Variants in RYR3 observed in about 807,000 individuals in gnomAD.
The protein encoded by RYR3 is brain ryanodine receptor-calcium release channel.
A neutral mutation model predicts 584.3 loss-of-function variants in RYR3; 207 were observed. That is an observed-to-expected ratio of 0.35 (90% CI 0.32 to 0.40). RYR3 has a LOEUF of 0.40. Among genes scored for constraint, RYR3 ranks in the 10% least tolerant of loss-of-function variants. The pLI is 1.00. For missense variants in RYR3, 5,616 were observed against 6,089.2 expected, an observed-to-expected ratio of 0.92 and a Z score of 2.59; for synonymous variants, 2,416 against 2,248.5, an observed-to-expected ratio of 1.07 and a Z score of -2.11.
At position 33,662,240 on chromosome 15, in the gene RYR3, C is replaced by T; in HGVS notation, c.4710C>T (p.Ala1570=). ...TGAGGCTCTACAGCGCGGTGTGCGC[C>T]CTGGGAAACAGCCGCGTGGCCTACG... ...HTLRLYSAVC[A]LGNSRVAYAL... is the part of the protein sequence containing the mutation. The change falls in exon 35 of 104, where the codon GCC becomes GCT. Residue 1570 remains alanine (A), a synonymous_variant. Coordinates refer to ENST00000634891, the MANE Select transcript of RYR3 (RefSeq NM_001036.6). 6.2e-7 allele frequency: 1 copy of T among 1,609,530 alleles called. No individual in the cohort carries two copies. Among genetic ancestry groups the T allele is most frequent in the Non-Finnish European group, 8.5e-7 (1 of 1,178,194 alleles).
chr15:33,558,931 G>A (rs374719962), intron 10 of RYR3, among the ~76,000 whole-genome samples: 147 of 152,194 alleles, frequency 9.7e-4, no homozygotes, highest in Middle Eastern at 3.4e-3. Flanking sequence ...AAGCCTTTTC[G>A]TGGTTTCCAT....
chr15:33,696,160 C>A, intron 38 of RYR3, 58 bp from the exon 39 acceptor site: 3 of 1,533,890 alleles, frequency 2.0e-6, no homozygotes, highest in Non-Finnish European at 2.7e-6. Context: ...GGCTGAAACA[C>A]CCAGCTCTCC....
At position 33,495,906 on chromosome 15, in the gene RYR3, T is replaced by C. The variant is rs1326359981; in HGVS notation, c.172-7725T>C. On this transcript the variant is annotated intron_variant, in intron 2 of 103. Transcript: ENST00000634891. ...AATGCAAATAATTATGTGTTATCGATAATTGATTGGAAGTCTGTAAGTGAG... is the reference window on the plus strand; with the variant it reads ...AATGCAAATAATTATGTGTTATCGACAATTGATTGGAAGTCTGTAAGTGAG... Among the ~76,000 whole-genome samples the C allele has an allele frequency of 5.9e-5, 9 of 152,324 alleles. No homozygotes were observed. In the East Asian group the frequency reaches 1.7e-3, roughly 29 times the overall value.
intron 103 of RYR3, 192 bp from the exon 104 acceptor site, chr15:33,864,939 G>GTGTC (rs1889959089): frequency 9.6e-6 from 5 of 522,184 alleles, no homozygotes; most frequent in Non-Finnish European, 1.4e-5. Flanking sequence ...CTGCCAGCAT[G>GTGTC]TGTCAGAGAG....
At chr15:33,714,272 A>G (rs1480244762) in intron 43 of RYR3, among the ~76,000 whole-genome samples, 1 of 152,214 alleles carries the variant, frequency 6.6e-6, no homozygotes, top group Non-Finnish European at 1.5e-5. Context: ...ATTTTAAGCC[A>G]TATCAAAAGC....
chr15:33,491,453 CA>C (rs1341128754), intron 2 of RYR3, among the ~76,000 whole-genome samples: 1 of 152,228 alleles, frequency 6.6e-6, no homozygotes, highest in East Asian at 1.9e-4. Context: ...TGGGGTCTGA[CA>C]GACCTTGCTT....
chr15:33,743,712 C>G (rs912967860), intron 52 of RYR3, among the ~76,000 whole-genome samples: 1 of 152,220 alleles, frequency 6.6e-6, no homozygotes, highest in Non-Finnish European at 1.5e-5. Flanking sequence ...ATATTTGTCT[C>G]TGTTCTTATG....
intron 42 of RYR3, among the ~76,000 whole-genome samples, chr15:33,704,292 A>AAG (rs1008724314): frequency 1.2e-4 from 18 of 152,094 alleles, no homozygotes; most frequent in East Asian, 1.9e-4. Flanking sequence ...AAAAAAAAAA[A>AAG]AAAAGAAAGA....
At chr15:33,723,251 G>A (rs764277900) in intron 44 of RYR3, among the ~76,000 whole-genome samples, 4 of 152,112 alleles carry the variant, frequency 2.6e-5, no homozygotes, top group Admixed American at 6.5e-5. Flanking sequence ...TTTGTCCCAC[G>A]GTGTCTCGTC....
intron 5 of RYR3, 104 bp downstream of exon 5, chr15:33,533,493 C>A: frequency 2.8e-6 from 2 of 716,302 alleles, no homozygotes; most frequent in Admixed American, 2.3e-5. Context: ...TCCAAACCAA[C>A]CTGGTTAAGA....
chr15:33,711,910 A>T (rs974954095), intron 43 of RYR3, among the ~76,000 whole-genome samples: 1 of 152,160 alleles, frequency 6.6e-6, no homozygotes, highest in Non-Finnish European at 1.5e-5. Flanking sequence ...CAATACCCCA[A>T]TCTTTGGTAC....
chr15:33,623,564 T>C (rs1289285781), intron 19 of RYR3, among the ~76,000 whole-genome samples: 1 of 152,228 alleles, frequency 6.6e-6, no homozygotes, highest in Non-Finnish European at 1.5e-5. Flanking sequence ...TAGTGGTTTA[T>C]GTATATAAAT....
At chr15:33,848,787 A>G (rs2078888821) in intron 94 of RYR3, among the ~76,000 whole-genome samples, 2 of 146,202 alleles carry the variant, frequency 1.4e-5, no homozygotes, top group East Asian at 4.0e-4. Context: ...ATAGCCTTCC[A>G]TGGCACAGCA....
At chr15:33,639,947 G>A (rs1335977603) in intron 27 of RYR3, among the ~76,000 whole-genome samples, 1 of 152,168 alleles carries the variant, frequency 6.6e-6, no homozygotes, top group African/African-American at 2.4e-5. Flanking sequence ...TTAAAGGAAA[G>A]GAACATAAAA....
chr15:33,865,004 G>A (rs949197184), intron 103 of RYR3, 127 bp from the exon 104 acceptor site: 2 of 644,810 alleles, frequency 3.1e-6, no homozygotes, highest in Admixed American at 2.7e-5. Flanking sequence ...AAGAATGAAT[G>A]TGCAGGTTTG....
At chr15:33,607,596 T>A (rs2059970654) in intron 18 of RYR3, among the ~76,000 whole-genome samples, 1 of 152,180 alleles carries the variant, frequency 6.6e-6, no homozygotes, top group Non-Finnish European at 1.5e-5. Flanking sequence ...TCTAAAAGGG[T>A]CAAATACATT....
chr15:33,838,925 A>G lies in RYR3; in HGVS notation c.12945A>G (p.Leu4315=), dbSNP rs1352452586. The change falls in exon 89 of 104, where the codon TTA becomes TTG. Residue 4315 remains leucine, a synonymous_variant. Transcript: ENST00000634891. ...EIIGKDEPPT[L]ESTVQKKRKA... ...TTGGCAAGGATGAACCCCCTACATTAGAGAGTACTGTACAGAAGAAGAGGA... is the reference window on the plus strand; with the variant it reads ...TTGGCAAGGATGAACCCCCTACATTGGAGAGTACTGTACAGAAGAAGAGGA... 6.2e-7 allele frequency: 1 copy of G among 1,613,592 alleles called. No homozygotes were observed. Among genetic ancestry groups the G allele is most frequent in the Non-Finnish European group, 8.5e-7 (1 of 1,179,756 alleles).
intron 2 of RYR3, among the ~76,000 whole-genome samples, chr15:33,490,677 A>G (rs531869909): frequency 6.4e-4 from 98 of 152,204 alleles, no homozygotes; most frequent in Non-Finnish European, 1.2e-3. Context: ...AATGGAGTGA[A>G]CAGAGGAAGG....
rs566796930 is a variant in RYR3 at position 33,388,355 on chromosome 15, A to T, written c.51+77259A>T. The stretch of plus-strand genomic sequence containing the variant: ...GTAAAAGGGAAGATGGTATAGTGGA[A>T]ATAATAATTTCAACCCAATAGAGTA... On this transcript the variant is annotated intron_variant, in intron 1 of 103. Transcript: ENST00000634891. Among the ~76,000 whole-genome samples the T allele has an allele frequency of 7.9e-5, 12 of 152,340 alleles. No homozygotes were observed. In the East Asian group the frequency reaches 1.7e-3, roughly 22 times the overall value.
Sources: allele counts gnomAD v4.1 joint callset (sites outside exome capture counted in the v4.1 genomes callset), GRCh38; gene constraint gnomAD v4.1.1; transcripts MANE v1.5; gene names NCBI Gene and HGNC (gene_info 2026-07-23, HGNC 2026-07-21).